IQCK: variants seen among roughly 807,000 people sequenced by gnomAD.
IQCK encodes IQ motif containing K.
In IQCK, 29 loss-of-function variants were observed where a neutral mutation model predicts 28.1. The observed-to-expected ratio is 1.03, with a 90% CI of 0.77 to 1.41. The LOEUF is 1.41. IQCK is among the 40% of genes most tolerant of loss of function. IQCK has a pLI of 0.00. For missense variants in IQCK, 359 were observed against 314.7 expected (o/e 1.14, Z -1.07); for synonymous variants, 113 against 115.1 (o/e 0.98, Z 0.12).
chr16:19,819,787 G>A (rs1246659793), intron 7 of IQCK, among the ~76,000 whole-genome samples: 1 of 152,034 alleles, frequency 6.6e-6, no homozygotes, highest in Non-Finnish European at 1.5e-5. Context: ...GCCACGGGGG[G>A]CAGATCACGA....
intron 6 of IQCK, among the ~76,000 whole-genome samples, chr16:19,786,793 GAA>G (rs1449970856): frequency 5.2e-5 from 5 of 95,674 alleles, no homozygotes; most frequent in Non-Finnish European, 8.7e-5. Flanking sequence ...AGAAAAGAAA[GAA>G]AGAGAGAGAG....
At chr16:19,841,230 T>A (rs1209139988) in intron 9 of IQCK, among the ~76,000 whole-genome samples, 1 of 152,218 alleles carries the variant, frequency 6.6e-6, no homozygotes, top group Non-Finnish European at 1.5e-5. Flanking sequence ...AATACTTTGG[T>A]GGCTACGAAA....
chr16:19,754,207 G>C (rs2055022886), intron 4 of IQCK, among the ~76,000 whole-genome samples: 1 of 152,288 alleles, frequency 6.6e-6, no homozygotes, highest in South Asian at 2.1e-4. Flanking sequence ...TAACCACACT[G>C]GGGCCGTGCC....
At chr16:19,857,394 A>G in exon 10 of IQCK, 1 of 427,498 alleles carries the variant, frequency 2.3e-6, no homozygotes. Context: ...TGTAATATTT[A>G]TATAGTCGTT....
chr16:19,730,553 T>A, intron 2 of IQCK, 59 bp downstream of exon 2: 1 of 1,331,496 alleles, frequency 7.5e-7, no homozygotes, highest in Middle Eastern at 1.9e-4. Flanking sequence ...ATAGCATTGA[T>A]GGCCTGTGAA....
intron 7 of IQCK, among the ~76,000 whole-genome samples, chr16:19,810,966 G>A (rs1446827349): frequency 4.6e-5 from 7 of 152,180 alleles, no homozygotes; most frequent in Non-Finnish European, 4.4e-5. Flanking sequence ...CGTATTAGTG[G>A]TAAAGAAGAG....
chr16:19,767,811 C>T (rs567208425), intron 6 of IQCK, among the ~76,000 whole-genome samples: 1 of 152,016 alleles, frequency 6.6e-6, no homozygotes, highest in Non-Finnish European at 1.5e-5. Flanking sequence ...CCCTTCTTCC[C>T]TTCCCAGCAC....
At chr16:19,830,336 CTGAT>C (rs1352337875), downstream of IQCK, among the ~76,000 whole-genome samples, 1 of 152,172 alleles carries the variant, frequency 6.6e-6, no homozygotes, top group East Asian at 1.9e-4. Context: ...GGTTGATTGA[CTGAT>C]TGGGCTCGCT....
chr16:19,722,329 C>T (rs945261041), intron 1 of IQCK, among the ~76,000 whole-genome samples: 2 of 152,210 alleles, frequency 1.3e-5, no homozygotes, highest in Non-Finnish European at 2.9e-5. Context: ...AGCTCTCCAT[C>T]TTTGCTTACC....
At chr16:19,735,234 A>T in intron 3 of IQCK, 119 bp from the exon 4 acceptor site, 2 of 708,224 alleles carry the variant, frequency 2.8e-6, no homozygotes, top group Admixed American at 4.7e-5. Flanking sequence ...AAAATATAAC[A>T]TCTAAGATCA....
chr16:19,847,393 G>A (rs189458507), intron 9 of IQCK, among the ~76,000 whole-genome samples: 74 of 152,314 alleles, frequency 4.9e-4, no homozygotes, highest in Admixed American at 1.4e-3. Context: ...GCAGTGCTCC[G>A]TGAAATTCTG....
At chr16:19,780,163 T>C (rs2151726010) in intron 6 of IQCK, among the ~76,000 whole-genome samples, 1 of 152,114 alleles carries the variant, frequency 6.6e-6, no homozygotes, top group East Asian at 1.9e-4. Flanking sequence ...TGCCTCAGCG[T>C]CCCAAGTAGC....
intron 6 of IQCK, among the ~76,000 whole-genome samples, chr16:19,766,693 ACC>A (rs1420648473): frequency 0.023 from 3,505 of 152,230 alleles, 114 homozygotes; most frequent in African/African-American, 0.08. Context: ...TGCCAGTAGC[ACC>A]CTCCTACAGT....
At chr16:19,785,226 T>C (rs534910728) in intron 6 of IQCK, among the ~76,000 whole-genome samples, 2 of 152,362 alleles carry the variant, frequency 1.3e-5, no homozygotes, top group South Asian at 4.1e-4. Flanking sequence ...GAGCAGAGCA[T>C]GTGCTGGGTT....
chr16:19,774,497 T>C (rs961933533), intron 6 of IQCK, among the ~76,000 whole-genome samples: 5 of 142,026 alleles, frequency 3.5e-5, no homozygotes, highest in Admixed American at 7.5e-5. Context: ...AACCTCTGCC[T>C]CATGGGCAAG....
intron 9 of IQCK, among the ~76,000 whole-genome samples, chr16:19,836,215 C>T (rs1056155452): frequency 6.6e-6 from 1 of 152,036 alleles, no homozygotes; most frequent in African/African-American, 2.4e-5. Context: ...TTCATAGTTC[C>T]TCAAAACTTA....
At chr16:19,727,314 A>G (rs932793922) in intron 1 of IQCK, among the ~76,000 whole-genome samples, 2 of 152,050 alleles carry the variant, frequency 1.3e-5, no homozygotes, top group Non-Finnish European at 2.9e-5. Context: ...TTATATACAT[A>G]TATTAGTAAA....
chr16:19,850,997 C>G (rs1262142307), intron 9 of IQCK, among the ~76,000 whole-genome samples: 1 of 152,164 alleles, frequency 6.6e-6, no homozygotes, highest in Non-Finnish European at 1.5e-5. Context: ...GCTTTCCAGC[C>G]TGGGTAACAG....
chr16:19,841,308 T>C (rs565869981), intron 9 of IQCK, among the ~76,000 whole-genome samples: 25 of 152,328 alleles, frequency 1.6e-4, no homozygotes, highest in African/African-American at 6.0e-4. Context: ...AAGGAATCTT[T>C]TGCATGAGCC....
Sources: allele counts gnomAD v4.1 joint callset (sites outside exome capture counted in the v4.1 genomes callset), GRCh38; gene constraint gnomAD v4.1.1; transcripts MANE v1.5; gene names NCBI Gene and HGNC (gene_info 2026-07-23, HGNC 2026-07-21).